SLF1: variants seen among roughly 807,000 people sequenced by gnomAD.
The protein encoded by SLF1 is SMC5-SMC6 complex localization factor protein 1.
SLF1 carries 105 observed loss-of-function variants against 123.0 expected under a neutral mutation model. The ratio of observed to expected loss-of-function variants is 0.85; its 90% CI spans 0.73 to 1.00. SLF1 has a LOEUF of 1.00. SLF1 is among the 50% of genes least tolerant of loss of function. The pLI, the probability that SLF1 is intolerant of heterozygous loss-of-function variation, is 0.00. For missense variants in SLF1, 1,239 were observed against 1,223.0 expected (o/e 1.01, Z -0.20); for synonymous variants, 434 against 406.6 (o/e 1.07, Z -0.81).
In SLF1 at chr5:94,663,766, T is replaced by A; in HGVS notation, c.1226T>A (p.Phe409Tyr). 1 of 1,530,042 alleles carries A rather than the reference T, an allele frequency of 6.5e-7. No homozygotes were observed. The highest frequency in any genetic ancestry group is 8.8e-7 in the Non-Finnish European group (1 of 1,140,138). 94.8% of individuals were successfully genotyped at this position (1,530,042 alleles called of 1,614,324 possible). Reference protein sequence around the residue: ...VYNVEVKNAEFPRGVLNLIES... With the variant: ...VYNVEVKNAEYPRGVLNLIES... ...CTTTCTTAGGTTAAAAATGCTGAAT[T>A]TCCCAGAGGTGTATTAAATTTAATT... Residue 409 changes from phenylalanine to tyrosine, a missense_variant, in exon 11 of 21, where the codon TTT (phenylalanine) becomes TAT (tyrosine). Transcript: ENST00000265140.
intron 4 of SLF1, among the ~76,000 whole-genome samples, chr5:94,631,363 G>C (rs768163063): frequency 7.2e-5 from 11 of 152,072 alleles, no homozygotes; most frequent in Non-Finnish European, 1.3e-4. Context: ...ATCAAGATCT[G>C]TTACATGTAC....
At chr5:94,682,224 T>C (rs1027721602) in intron 15 of SLF1, among the ~76,000 whole-genome samples, 1 of 152,210 alleles carries the variant, frequency 6.6e-6, no homozygotes, top group African/African-American at 2.4e-5. Flanking sequence ...GAGTTTAAGC[T>C]CATGTTAGTC....
intron 13 of SLF1, 26 bp downstream of exon 13, chr5:94,670,305 CT>C (rs1190066954): frequency 7.0e-7 from 1 of 1,419,100 alleles, no homozygotes; most frequent in Non-Finnish European, 9.2e-7. Context: ...AAGAATAACA[CT>C]TTTCTAAATT....
intron 14 of SLF1, among the ~76,000 whole-genome samples, chr5:94,671,365 ATTAATATTTAT>A: frequency 6.6e-6 from 1 of 151,644 alleles, no homozygotes; most frequent in East Asian, 1.9e-4. Flanking sequence ...ACTAATAAAT[ATTAATATTTAT>A]TAGTATTATT....
At chr5:94,631,689 A>G (rs149289658) in intron 4 of SLF1, among the ~76,000 whole-genome samples, 79 of 152,324 alleles carry the variant, frequency 5.2e-4, no homozygotes, top group African/African-American at 1.8e-3. Context: ...CTTTGCTAAT[A>G]TAAATTGAGC....
intron 4 of SLF1, among the ~76,000 whole-genome samples, chr5:94,631,758 A>G (rs1388450082): frequency 1.3e-5 from 2 of 152,166 alleles, no homozygotes; most frequent in Non-Finnish European, 2.9e-5. Flanking sequence ...CTCTTGGGAA[A>G]TATCTCGGAA....
At chr5:94,681,641 T>TC (rs1416315603) in intron 15 of SLF1, among the ~76,000 whole-genome samples, 17 of 94,854 alleles carry the variant, frequency 1.8e-4, no homozygotes, top group Non-Finnish European at 3.0e-4. Context: ...ATGCTAACCC[T>TC]CCCCCCTCCC....
intron 1 of SLF1, among the ~76,000 whole-genome samples, chr5:94,620,463 A>T (rs1235245570): frequency 6.6e-6 from 1 of 152,234 alleles, no homozygotes; most frequent in East Asian, 1.9e-4. Context: ...CGTAATAAGC[A>T]TCCACATTTT....
intron 14 of SLF1, among the ~76,000 whole-genome samples, chr5:94,672,710 G>C (rs889399696): frequency 7.9e-5 from 12 of 151,868 alleles, no homozygotes; most frequent in Admixed American, 6.6e-4. Flanking sequence ...TGAGTTTCAA[G>C]GTTTTCTTTT....
intron 15 of SLF1, among the ~76,000 whole-genome samples, chr5:94,685,219 A>G (rs1157837981): frequency 6.6e-6 from 1 of 152,222 alleles, no homozygotes; most frequent in Non-Finnish European, 1.5e-5. Flanking sequence ...CCCTGAATAG[A>G]GAGGCCAGCT....
At chr5:94,676,205 A>G (rs1028829050) in intron 14 of SLF1, among the ~76,000 whole-genome samples, 2 of 152,196 alleles carry the variant, frequency 1.3e-5, no homozygotes, top group Admixed American at 1.3e-4. Flanking sequence ...TAATCAGTTT[A>G]CTAGTTTAAA....
chr5:94,661,029 C>T (rs1749038085), intron 9 of SLF1, among the ~76,000 whole-genome samples: 1 of 152,160 alleles, frequency 6.6e-6, no homozygotes, highest in Non-Finnish European at 1.5e-5. Context: ...GGGCTCCGGG[C>T]TTAGGCACTG....
chr5:94,631,118 C>A (rs966420438), intron 4 of SLF1, among the ~76,000 whole-genome samples: 1 of 152,028 alleles, frequency 6.6e-6, no homozygotes, highest in African/African-American at 2.4e-5. Flanking sequence ...CTTCATTATT[C>A]ATACTGTTTT....
At chr5:94,648,589 C>T (rs549925449) in intron 5 of SLF1, among the ~76,000 whole-genome samples, 19 of 152,326 alleles carry the variant, frequency 1.2e-4, no homozygotes, top group Admixed American at 1.1e-3. Flanking sequence ...TCAAGCAATT[C>T]TCCTGCCTCG....
intron 5 of SLF1, among the ~76,000 whole-genome samples, chr5:94,644,565 C>T (rs1053350651): frequency 2.4e-4 from 37 of 152,278 alleles, no homozygotes; most frequent in Non-Finnish European, 1.5e-4. Flanking sequence ...CTAAGCTACT[C>T]CTAACTCAGT....
At chr5:94,659,175 A>G (rs1444187694) in intron 9 of SLF1, among the ~76,000 whole-genome samples, 2 of 150,950 alleles carry the variant, frequency 1.3e-5, no homozygotes, top group Non-Finnish European at 3.0e-5. Context: ...AAGTTCCAGG[A>G]TTTCTGTTTG....
chr5:94,691,702 T>C, intron 19 of SLF1, 46 bp downstream of exon 19: 2 of 1,406,788 alleles, frequency 1.4e-6, no homozygotes, highest in Non-Finnish European at 1.9e-6. Context: ...TTAATATTTG[T>C]GATATTAAAC....
At chr5:94,638,825 C>T (rs1369069552) in intron 4 of SLF1, among the ~76,000 whole-genome samples, 5 of 152,136 alleles carry the variant, frequency 3.3e-5, no homozygotes, top group Non-Finnish European at 7.4e-5. Flanking sequence ...CTTTAGCACT[C>T]CTTTGAGAAA....
intron 4 of SLF1, among the ~76,000 whole-genome samples, chr5:94,633,926 G>A (rs1745477279): frequency 6.6e-6 from 1 of 152,044 alleles, no homozygotes; most frequent in Non-Finnish European, 1.5e-5. Context: ...GTAAAAACTT[G>A]GATCATTGAT....
Sources: allele counts gnomAD v4.1 joint callset (sites outside exome capture counted in the v4.1 genomes callset), GRCh38; gene constraint gnomAD v4.1.1; transcripts MANE v1.5; gene names NCBI Gene and HGNC (gene_info 2026-07-23, HGNC 2026-07-21).